The following MBTPS1 variants were observed in gnomAD, a reference collection of about 807,000 sequenced individuals.
MBTPS1 encodes the protein membrane-bound transcription factor site-1 protease.
MBTPS1 carries 94 observed loss-of-function variants against 127.8 expected under a neutral mutation model. The ratio of observed to expected loss-of-function variants is 0.74; its 90% CI spans 0.62 to 0.87. The LOEUF is 0.87. Ranked by LOEUF, MBTPS1 falls within the 40% of genes least tolerant of loss-of-function variation. The probability of loss-of-function intolerance (pLI) is 0.00; values close to 1 mark genes in which losing one functional copy is unlikely to be tolerated. For missense variants in MBTPS1, 1,636 were observed against 1,353.2 expected, an observed-to-expected ratio of 1.21 and a Z score of -3.28; for synonymous variants, 632 against 509.4, an observed-to-expected ratio of 1.24 and a Z score of -3.24.
intron 1 of MBTPS1, among the ~76,000 whole-genome samples, chr16:84,104,574 A>C (rs1567504285): frequency 1.3e-5 from 2 of 152,248 alleles, no homozygotes; most frequent in East Asian, 3.8e-4. Context: ...ATTAAGTAAT[A>C]GTACTGAGAA....
At position 84,085,140 on chromosome 16, in the gene MBTPS1, A is replaced by G; in HGVS notation, c.1135-6T>C. ...CCGTAGCCTCCTGGTAGCTCCTATG[A>G]ATAAAAGCAGCTTGGTTGCTACATC... On this transcript the variant is annotated splice_region_variant and splice_polypyrimidine_tract_variant and intron_variant, in intron 9 of 22. Transcript: ENST00000343411. 1 of 1,613,860 alleles carries G rather than the reference A, an allele frequency of 6.2e-7. No homozygotes were observed. The highest frequency in any genetic ancestry group is 8.5e-7 in the Non-Finnish European group (1 of 1,179,866).
chr16:84,056,097 A>G lies in MBTPS1; in HGVS notation c.2870T>C (p.Leu957Pro), dbSNP rs749970230. 6.2e-7 allele frequency: 1 copy of G among 1,614,122 alleles called. No homozygotes were observed. ...WKHQKLLSIDLDKVVLPNFRS... is the reference protein window; with the variant it reads ...WKHQKLLSIDPDKVVLPNFRS... ...AAAGTTGGGTAACACCACCTTGTCC[A>G]GGTCAATGGAGAGTAGCTTCTGATG... is the stretch of plus-strand genomic sequence containing the variant. The change falls in exon 22 of 23, where the codon CTG (leucine) becomes CCG (proline). Residue 957 changes from leucine to proline, a missense_variant. Transcript: ENST00000343411.
At chr16:84,086,020 G>C (rs2086017988) in intron 9 of MBTPS1, 1 of 152,146 alleles carries the variant, frequency 6.6e-6, no homozygotes, top group African/African-American at 2.4e-5. Flanking sequence ...AGCTTCTTAA[G>C]AATTGGGGCA....
Position 84,099,074 on chromosome 16 carries a change from G to T in MBTPS1, c.400C>A (p.Arg134Ser). ...TCACATTCAGCATACTTGAGGGAACGAAAGACTTTTCGTTGGGGCGTGACC... is the reference window on the plus strand; with the variant it reads ...TCACATTCAGCATACTTGAGGGAACTAAAGACTTTTCGTTGGGGCGTGACC... The part of the protein sequence containing the change: ...KRVTPQRKVF[R>S]SLKYAESDPT... The change falls in exon 3 of 23, where the codon CGT becomes AGT. Residue 134 changes from arginine (R) to serine (S), a missense_variant. By Grantham distance (110) the Arg-to-Ser change is moderately radical. Coordinates refer to ENST00000343411, the MANE Select transcript of MBTPS1 (RefSeq NM_003791.4). 6.2e-7 allele frequency: 1 copy of T among 1,614,116 alleles called. No individual in the cohort carries two copies. The highest frequency in any genetic ancestry group is 8.5e-7 in the Non-Finnish European group (1 of 1,180,010).
At chr16:84,070,333 C>T (rs2085751867) in intron 13 of MBTPS1, among the ~76,000 whole-genome samples, 1 of 152,210 alleles carries the variant, frequency 6.6e-6, no homozygotes, top group African/African-American at 2.4e-5. Flanking sequence ...TCCTTTTGAG[C>T]TTGAAATCTG....
intron 1 of MBTPS1, among the ~76,000 whole-genome samples, chr16:84,103,232 A>T (rs905857315): frequency 1.3e-5 from 2 of 151,688 alleles, no homozygotes; most frequent in African/African-American, 4.8e-5. Flanking sequence ...TTCCAGTGCT[A>T]CTTAGGATTT....
intron 11 of MBTPS1, among the ~76,000 whole-genome samples, chr16:84,075,920 A>G (rs924795681): frequency 2.0e-5 from 3 of 152,246 alleles, no homozygotes; most frequent in African/African-American, 7.2e-5. Flanking sequence ...TGTGACTACA[A>G]TTGTATGCAT....
At chr16:84,078,663 T>C (rs2085895214) in intron 11 of MBTPS1, among the ~76,000 whole-genome samples, 1 of 152,230 alleles carries the variant, frequency 6.6e-6, no homozygotes, top group Non-Finnish European at 1.5e-5. Context: ...AGCCCATATG[T>C]AGACAAGTAG....
In MBTPS1 at chr16:84,074,710, A is replaced by G; in HGVS notation, c.1480T>C (p.Cys494Arg). The change falls in exon 12 of 23, where the codon TGT becomes CGT. Residue 494 changes from cysteine (C) to arginine (R), a missense_variant. Cys to Arg is a radical substitution (Grantham distance 180, BLOSUM62 -3). Transcript: ENST00000343411. ...LSPSYIDLTE[C>R]PYMWPYCSQP... ...GAGCAGTAGGGCCACATGTAGGGACACTCAGTCAGATCTATGTAGCTGGGG... is the reference window on the plus strand; with the variant it reads ...GAGCAGTAGGGCCACATGTAGGGACGCTCAGTCAGATCTATGTAGCTGGGG... 6.2e-7 allele frequency: 1 copy of G among 1,614,136 alleles called. No homozygotes were observed. The highest frequency in any genetic ancestry group is 8.5e-7 in the Non-Finnish European group (1 of 1,180,002).
chr16:84,077,255 G>GAGAA (rs2085871639), intron 11 of MBTPS1, among the ~76,000 whole-genome samples: 2 of 145,814 alleles, frequency 1.4e-5, no homozygotes, highest in Non-Finnish European at 3.0e-5. Flanking sequence ...AAAAAAGAGA[G>GAGAA]AGAGAAAAGA....
intron 1 of MBTPS1, among the ~76,000 whole-genome samples, chr16:84,113,357 C>T (rs1168066438): frequency 1.3e-5 from 2 of 152,132 alleles, no homozygotes. Flanking sequence ...ATGGTATTCC[C>T]GTACCTATGG....
intron 7 of MBTPS1, among the ~76,000 whole-genome samples, chr16:84,091,381 G>A (rs535118254): frequency 6.6e-6 from 1 of 151,728 alleles, no homozygotes; most frequent in Non-Finnish European, 1.5e-5. Flanking sequence ...GGCTACTTGG[G>A]AGGCTGAGGC....
chr16:84,090,940 C>T lies in MBTPS1; in HGVS notation c.966G>A (p.Val322=). ...TTACATTGTTAGCTGTTAATTCCCA[C>T]ACCTACAAAAGGAGCATTTATTTAA... The part of the protein sequence containing the change: ...DFMDHPFVDK[V]WELTANNVIM... Residue 322 remains valine (V), a splice_region_variant and synonymous_variant, in exon 8 of 23, where the codon GTG becomes GTA. Transcript: ENST00000343411. 1 of 1,607,374 alleles carries T rather than the reference C, an allele frequency of 6.2e-7. No homozygotes were observed. Among genetic ancestry groups the T allele is most frequent in the Non-Finnish European group, 8.5e-7 (1 of 1,175,354 alleles).
At chr16:84,110,281 T>C (rs2086380672) in intron 1 of MBTPS1, among the ~76,000 whole-genome samples, 1 of 152,240 alleles carries the variant, frequency 6.6e-6, no homozygotes, top group Admixed American at 6.5e-5. Context: ...TCTAGGAAAT[T>C]GACAGAATTC....
At chr16:84,058,443 C>T (rs2085552255) in intron 21 of MBTPS1, among the ~76,000 whole-genome samples, 1 of 152,172 alleles carries the variant, frequency 6.6e-6, no homozygotes, top group African/African-American at 2.4e-5. Context: ...GGGTACCAGG[C>T]GGCCAGGGGG....
Position 84,056,151 on chromosome 16 carries a change from T to C in MBTPS1, c.2832-16A>G. The C allele has an allele frequency of 6.2e-7, 1 of 1,611,164 alleles. No individual in the cohort carries two copies. Among genetic ancestry groups the C allele is most frequent in the East Asian group, 2.2e-5 (1 of 44,806 alleles). On this transcript the variant is annotated splice_polypyrimidine_tract_variant and intron_variant, in intron 21 of 22. Transcript: ENST00000343411. The stretch of plus-strand genomic sequence containing the variant: ...CCAAAGGTTACTTCAGGAAAATGGA[T>C]TAAAACAAAACAAAAATAAGCCATT...
At chr16:84,098,694 G>A (rs1167777751) in intron 3 of MBTPS1, among the ~76,000 whole-genome samples, 7 of 152,138 alleles carry the variant, frequency 4.6e-5, no homozygotes, top group East Asian at 1.9e-4. Flanking sequence ...ACACAAGGAC[G>A]CGTCTTTCAG....
intron 19 of MBTPS1, 42 bp downstream of exon 19, chr16:84,063,263 T>A: frequency 6.3e-7 from 1 of 1,589,414 alleles, no homozygotes; most frequent in Non-Finnish European, 8.6e-7. Flanking sequence ...GAAGAAAGGA[T>A]CTGAGTGCCG....
At position 84,067,802 on chromosome 16, in the gene MBTPS1, C is replaced by A. The variant is rs1291563268; in HGVS notation, c.2093G>T (p.Ser698Ile). ...SQYGTLLMVD[S>I]EEEYFPEEIA... ...CTCTTCAGGGAAGTACTCCTCCTCA[C>A]TGTCCACCATCAGCAAAGTGCCTGA... is the stretch of plus-strand genomic sequence containing the variant. The change falls in exon 16 of 23, where the codon AGT (serine) becomes ATT (isoleucine). Residue 698 changes from serine to isoleucine, a missense_variant. Coordinates refer to ENST00000343411, the MANE Select transcript of MBTPS1 (RefSeq NM_003791.4). 6.2e-7 allele frequency: 1 copy of A among 1,610,702 alleles called. No individual in the cohort carries two copies. Among genetic ancestry groups the A allele is most frequent in the Non-Finnish European group, 8.5e-7 (1 of 1,177,224 alleles).
Sources: allele counts gnomAD v4.1 joint callset (sites outside exome capture counted in the v4.1 genomes callset), GRCh38; gene constraint gnomAD v4.1.1; transcripts MANE v1.5; gene names NCBI Gene and HGNC (gene_info 2026-07-23, HGNC 2026-07-21).